The following PITPNC1 variants were observed in gnomAD, a reference collection of about 807,000 sequenced individuals.
PITPNC1 encodes the protein cytoplasmic phosphatidylinositol transfer protein 1.
A neutral mutation model predicts 44.7 loss-of-function variants in PITPNC1; 18 were observed. That is an observed-to-expected ratio of 0.40 (90% confidence interval 0.28 to 0.60). The LOEUF is 0.60. Among genes scored for constraint, PITPNC1 ranks in the 20% least tolerant of loss-of-function variants. The pLI is 0.39. For missense variants in PITPNC1, 290 were observed against 418.4 expected (o/e 0.69, Z 2.68); for synonymous variants, 141 against 149.6 (o/e 0.94, Z 0.42).
At position 67,519,004 on chromosome 17, in the gene PITPNC1, G is replaced by A. The variant is rs532205733; in HGVS notation, c.49-13798G>A. 1.4e-4 allele frequency among the ~76,000 whole-genome samples: 22 copies of A among 152,216 alleles called. No individual in the cohort carries two copies. In the South Asian group the frequency reaches 4.4e-3, roughly 30 times the overall value. On this transcript the variant is annotated intron_variant, in intron 1 of 8. Transcript: ENST00000581322. ...GATGTGGAGAAATCAGAGCCCTCCT[G>A]CATTGCTGGTAGGGATGTAAAACTG... is the stretch of plus-strand genomic sequence containing the variant.
chr17:67,645,329 G>A lies in PITPNC1; in HGVS notation c.462+13091G>A, dbSNP rs2042135728. Among the ~76,000 whole-genome samples, 3 of 136,534 alleles carry A rather than the reference G, an allele frequency of 2.2e-5. No homozygotes were observed. In the Admixed American group the frequency reaches 2.3e-4, roughly 10 times the overall value. 89.6% of individuals were successfully genotyped at this position (136,534 alleles called of 152,430 possible). On this transcript the variant is annotated intron_variant, in intron 6 of 8. Transcript: ENST00000581322. The stretch of plus-strand genomic sequence containing the variant: ...GCATTCCAGCCTGGGCAACAAGAGC[G>A]AAACTCCATCTCAGAAAAAAAAAAA...
chr17:67,671,961 G>A (rs1034434613), intron 7 of PITPNC1, among the ~76,000 whole-genome samples: 3 of 151,966 alleles, frequency 2.0e-5, no homozygotes, highest in African/African-American at 7.3e-5. Context: ...TTGAGATGGA[G>A]TCTCAATCTG....
At chr17:67,586,184 G>C (rs1258557637) in intron 5 of PITPNC1, among the ~76,000 whole-genome samples, 2 of 152,218 alleles carry the variant, frequency 1.3e-5, no homozygotes, top group African/African-American at 4.8e-5. Context: ...GGCCATGGCA[G>C]AGTGTGGATT....
rs189721195 is a variant in PITPNC1, at chr17:67,689,346, G to A, written c.683-3226G>A. Among the ~76,000 whole-genome samples, 12 of 152,300 alleles carry A rather than the reference G, an allele frequency of 7.9e-5. No homozygotes were observed. In the East Asian group the frequency reaches 2.3e-3, roughly 29 times the overall value. Reference sequence around the variant, plus strand: ...TAATCTCTGGCTGCCCCTCAGCGTTGTTCCCGTGACTTCAGGGTGAAAGAT... The same window carrying A: ...TAATCTCTGGCTGCCCCTCAGCGTTATTCCCGTGACTTCAGGGTGAAAGAT... On this transcript the variant is annotated intron_variant, in intron 8 of 8. Transcript: ENST00000581322.
rs1355821813 is a variant in PITPNC1 at position 67,694,625 on chromosome 17, A to AAAAG, written c.*1740_*1743dup. 6.6e-6 allele frequency: 1 copy of AAAAG among 152,224 alleles called. No homozygotes were observed. The highest frequency in any genetic ancestry group is 1.5e-5 in the Non-Finnish European group (1 of 68,032). The allele number at this position is 152,224 out of a possible 1,614,324, so 9.4% of individuals were successfully genotyped here. A position where few individuals can be genotyped will look rare whatever the true frequency, so the allele number is the denominator to read the frequency against. On this transcript the variant is annotated 3_prime_UTR_variant, in exon 9 of 9. Coordinates refer to ENST00000581322, the MANE Select transcript of PITPNC1 (RefSeq NM_012417.4). ...TATAGGTTGATATTTAGCTTAAAAA[A>AAAAG]AAAGAATAAACCTAGAACTCAAAGG...
intron 6 of PITPNC1, among the ~76,000 whole-genome samples, chr17:67,646,493 A>G (rs141359132): frequency 6.6e-6 from 1 of 152,298 alleles, no homozygotes; most frequent in African/African-American, 2.4e-5. Context: ...AAATTGCTAA[A>G]CCTGGTTTTA....
At chr17:67,423,594 T>G (rs1440956133) in intron 1 of PITPNC1, among the ~76,000 whole-genome samples, 1 of 152,170 alleles carries the variant, frequency 6.6e-6, no homozygotes, top group East Asian at 1.9e-4. Flanking sequence ...ACCATGCACT[T>G]CTGGGCTTAA....
intron 1 of PITPNC1, among the ~76,000 whole-genome samples, chr17:67,477,495 T>C (rs2039646839): frequency 1.3e-5 from 2 of 152,172 alleles, no homozygotes; most frequent in Admixed American, 1.3e-4. Flanking sequence ...TCCACCCATC[T>C]TGGCCTCCCA....
intron 5 of PITPNC1, among the ~76,000 whole-genome samples, chr17:67,592,433 A>G (rs2041404907): frequency 6.6e-6 from 1 of 152,234 alleles, no homozygotes. Flanking sequence ...GATTTCCTAA[A>G]TCAGTCTCCA....
In PITPNC1 at chr17:67,599,025, TATATATA is replaced by T. The variant is rs1195037052; in HGVS notation, c.366+20769_366+20775del. 5.8e-3 allele frequency among the ~76,000 whole-genome samples: 188 copies of T among 32,234 alleles called. 1 individual carries two copies. The highest frequency in any genetic ancestry group is 0.01 in the African/African-American group (75 of 7,382). 21.1% of individuals were successfully genotyped at this position (32,234 alleles called of 152,430 possible). ...ACATATATATATATATATATATATA[TATATATA>T]TATTTTTTTTTTTTTTTTTTTTACC... On this transcript the variant is annotated intron_variant, in intron 5 of 8. Coordinates refer to ENST00000581322, the MANE Select transcript of PITPNC1 (RefSeq NM_012417.4).
intron 1 of PITPNC1, among the ~76,000 whole-genome samples, chr17:67,441,312 T>C (rs2039009734): frequency 1.4e-5 from 2 of 147,508 alleles, no homozygotes; most frequent in Admixed American, 1.3e-4. Context: ...CCAGTTATTT[T>C]GAGTGTCTCA....
At chr17:67,621,506 C>G (rs1405516142) in intron 5 of PITPNC1, among the ~76,000 whole-genome samples, 1 of 152,026 alleles carries the variant, frequency 6.6e-6, no homozygotes, top group Non-Finnish European at 1.5e-5. Context: ...CTGCAGCTGG[C>G]CTGAAACATA....
intron 1 of PITPNC1, among the ~76,000 whole-genome samples, chr17:67,409,336 G>T (rs112112708): frequency 2.7e-5 from 4 of 150,734 alleles, no homozygotes; most frequent in African/African-American, 2.4e-5. Context: ...CACCCGCCTC[G>T]GCCTCCCAAA....
At chr17:67,421,568 C>T (rs992017023) in intron 1 of PITPNC1, among the ~76,000 whole-genome samples, 1 of 152,148 alleles carries the variant, frequency 6.6e-6, no homozygotes, top group Non-Finnish European at 1.5e-5. Context: ...CAGGTGTGAG[C>T]CACTGTACCA....
At chr17:67,586,733 C>G (rs922060771) in intron 5 of PITPNC1, among the ~76,000 whole-genome samples, 2 of 152,186 alleles carry the variant, frequency 1.3e-5, no homozygotes, top group African/African-American at 4.8e-5. Flanking sequence ...CCAGTTTTCC[C>G]AATAATGTAC....
At chr17:67,482,251 A>G (rs2039714465) in intron 1 of PITPNC1, among the ~76,000 whole-genome samples, 1 of 152,214 alleles carries the variant, frequency 6.6e-6, no homozygotes, top group South Asian at 2.1e-4. Context: ...ATTATCTTTT[A>G]AATAATTTTT....
chr17:67,592,340 C>CAA (rs961612378), intron 5 of PITPNC1, among the ~76,000 whole-genome samples: 13 of 152,202 alleles, frequency 8.5e-5, no homozygotes, highest in African/African-American at 2.2e-4. Context: ...AAATTATTAT[C>CAA]AAAGGACCTA....
At chr17:67,563,953 T>G (rs2040939150) in intron 4 of PITPNC1, among the ~76,000 whole-genome samples, 1 of 152,066 alleles carries the variant, frequency 6.6e-6, no homozygotes, top group Non-Finnish European at 1.5e-5. Context: ...GATGAATAGA[T>G]AGATGATTGA....
At chr17:67,558,848 G>A (rs1282431373) in intron 4 of PITPNC1, among the ~76,000 whole-genome samples, 4 of 152,130 alleles carry the variant, frequency 2.6e-5, no homozygotes, top group African/African-American at 9.7e-5. Flanking sequence ...TCTTTCATGA[G>A]AACCTCAAAT....
Sources: allele counts gnomAD v4.1 joint callset (sites outside exome capture counted in the v4.1 genomes callset), GRCh38; gene constraint gnomAD v4.1.1; transcripts MANE v1.5; gene names NCBI Gene and HGNC (gene_info 2026-07-23, HGNC 2026-07-21).